The following SPIDR variants were observed in gnomAD, a reference collection of about 807,000 sequenced individuals.
The protein encoded by SPIDR is DNA repair-scaffolding protein.
Under a neutral mutation model 104.6 loss-of-function variants are expected in SPIDR, and 93 were observed. The ratio of observed to expected loss-of-function variants is 0.89; its 90% CI spans 0.75 to 1.06. The LOEUF (loss-of-function observed/expected upper bound fraction) is 1.06. SPIDR is among the 50% of genes least tolerant of loss of function. The pLI, the probability that SPIDR is intolerant of heterozygous loss-of-function variation, is 0.00. For synonymous variants in SPIDR, 431 were observed against 416.9 expected (o/e 1.03, Z -0.41); for missense variants, 1,154 against 1,111.2 (o/e 1.04, Z -0.55).
At chr8:47,734,509 G>A (rs2085845518) in intron 19 of SPIDR, among the ~76,000 whole-genome samples, 1 of 152,154 alleles carries the variant, frequency 6.6e-6, no homozygotes, top group African/African-American at 2.4e-5. Flanking sequence ...AAACAGAACT[G>A]CTGTAGCAAC....
intron 5 of SPIDR, among the ~76,000 whole-genome samples, chr8:47,360,244 CAAAAAAAA>C (rs1186187617): frequency 5.1e-5 from 2 of 38,960 alleles, no homozygotes; most frequent in African/African-American, 2.5e-4. Context: ...GACTCCATCT[CAAAAAAAA>C]AAAAAAAAAA....
intron 10 of SPIDR, among the ~76,000 whole-genome samples, chr8:47,665,202 C>T (rs1267170631): frequency 6.6e-6 from 1 of 152,082 alleles, no homozygotes; most frequent in Non-Finnish European, 1.5e-5. Context: ...GGAAACATGA[C>T]TCATCATATA....
intron 5 of SPIDR, among the ~76,000 whole-genome samples, chr8:47,298,671 T>A (rs2041393940): frequency 6.6e-6 from 1 of 152,246 alleles, no homozygotes; most frequent in African/African-American, 2.4e-5. Context: ...TTTCTACATA[T>A]GGCTAGCCAG....
chr8:47,714,211 TG>T (rs1031848042), intron 16 of SPIDR, among the ~76,000 whole-genome samples: 1 of 152,012 alleles, frequency 6.6e-6, no homozygotes, highest in Non-Finnish European at 1.5e-5. Context: ...GTGGAGGGAC[TG>T]GGTGGCAGAG....
intron 8 of SPIDR, among the ~76,000 whole-genome samples, chr8:47,495,012 G>A (rs1186063817): frequency 6.6e-6 from 1 of 152,152 alleles, no homozygotes; most frequent in Non-Finnish European, 1.5e-5. Context: ...CCACCCCAGT[G>A]AGTCTTTTGA....
At chr8:47,484,726 G>C (rs1198356697) in intron 8 of SPIDR, among the ~76,000 whole-genome samples, 1 of 152,176 alleles carries the variant, frequency 6.6e-6, no homozygotes, top group Non-Finnish European at 1.5e-5. Flanking sequence ...GACATCATTG[G>C]GACCAGTAGT....
chr8:47,281,848 T>G (rs1245184372), intron 2 of SPIDR, among the ~76,000 whole-genome samples: 1 of 152,266 alleles, frequency 6.6e-6, no homozygotes, highest in East Asian at 1.9e-4. Flanking sequence ...CAGTTTACTT[T>G]GCCCAGATCC....
chr8:47,637,183 A>G (rs2068060443), intron 10 of SPIDR, among the ~76,000 whole-genome samples: 1 of 152,220 alleles, frequency 6.6e-6, no homozygotes, highest in African/African-American at 2.4e-5. Context: ...CTCAGTTGCC[A>G]TGTCTCCTCA....
chr8:47,329,189 G>C (rs1190323113), intron 5 of SPIDR, among the ~76,000 whole-genome samples: 12 of 151,852 alleles, frequency 7.9e-5, no homozygotes, highest in Non-Finnish European at 1.2e-4. Context: ...TCCTGCCTCA[G>C]CCTCCCGAGT....
intron 6 of SPIDR, among the ~76,000 whole-genome samples, chr8:47,404,483 A>T (rs545146183): frequency 2.0e-5 from 3 of 152,280 alleles, no homozygotes; most frequent in South Asian, 2.1e-4. Flanking sequence ...GAATCTATAA[A>T]GAACTTAAAC....
intron 8 of SPIDR, among the ~76,000 whole-genome samples, chr8:47,473,262 C>T (rs1554722020): frequency 6.6e-6 from 1 of 152,196 alleles, no homozygotes; most frequent in Admixed American, 6.6e-5. Flanking sequence ...ACGTGTTATA[C>T]CCACACATGT....
At chr8:47,319,258 A>G (rs2046025147) in intron 5 of SPIDR, among the ~76,000 whole-genome samples, 1 of 152,206 alleles carries the variant, frequency 6.6e-6, no homozygotes, top group African/African-American at 2.4e-5. Flanking sequence ...AGATCTACCA[A>G]GGAAATGGAA....
chr8:47,317,962 C>G (rs1424572598), intron 5 of SPIDR, among the ~76,000 whole-genome samples: 2 of 152,050 alleles, frequency 1.3e-5, no homozygotes, highest in Non-Finnish European at 2.9e-5. Context: ...TCATCAAAGA[C>G]CCAAAGGTAG....
chr8:47,661,009 C>T, intron 10 of SPIDR: 8 of 980,638 alleles, frequency 8.2e-6, no homozygotes, highest in Non-Finnish European at 9.7e-6. Context: ...TGCAGGTACC[C>T]AAACTCCTAG....
At chr8:47,498,404 T>C (rs2079801624) in intron 8 of SPIDR, among the ~76,000 whole-genome samples, 1 of 152,282 alleles carries the variant, frequency 6.6e-6, no homozygotes, top group Admixed American at 6.5e-5. Context: ...AATAATCAAA[T>C]CACCATTTTT....
At chr8:47,657,670 G>T (rs369442128) in intron 10 of SPIDR, among the ~76,000 whole-genome samples, 45 of 152,104 alleles carry the variant, frequency 3.0e-4, no homozygotes, top group African/African-American at 1.0e-3. Flanking sequence ...GTGTACAGGG[G>T]TTCTCTCTGT....
intron 5 of SPIDR, among the ~76,000 whole-genome samples, chr8:47,306,164 T>A (rs897655578): frequency 6.6e-6 from 1 of 152,184 alleles, no homozygotes; most frequent in African/African-American, 2.4e-5. Flanking sequence ...TTTTTTGAGA[T>A]GGAGTCTCAC....
chr8:47,533,997 G>T (rs1479773010), intron 8 of SPIDR, among the ~76,000 whole-genome samples: 1 of 152,210 alleles, frequency 6.6e-6, no homozygotes, highest in East Asian at 1.9e-4. Flanking sequence ...GCGGGACCAG[G>T]TGGAGGTAAT....
intron 5 of SPIDR, among the ~76,000 whole-genome samples, chr8:47,364,947 T>C (rs541321660): frequency 1.3e-5 from 2 of 152,232 alleles, no homozygotes; most frequent in Non-Finnish European, 2.9e-5. Flanking sequence ...ACCCTGCTGC[T>C]GCCCTCCGTC....
Sources: gnomAD v4.1 joint callset for allele counts (sites outside exome capture counted in the v4.1 genomes callset) on GRCh38, gnomAD v4.1.1 for gene constraint, MANE v1.5 for transcripts, NCBI Gene and HGNC (gene_info 2026-07-23, HGNC 2026-07-21) for gene names.